The following ITGBL1 variants were observed in gnomAD, a reference collection of about 807,000 sequenced individuals.
The protein encoded by ITGBL1 is integrin beta-like protein 1.
ITGBL1 carries 51 observed loss-of-function variants against 68.5 expected under a neutral mutation model. The ratio of observed to expected loss-of-function variants is 0.74; its 90% CI spans 0.59 to 0.94. The LOEUF (loss-of-function observed/expected upper bound fraction) is 0.94, where lower values mean the gene tolerates loss of function less well. Among genes scored for constraint, ITGBL1 ranks in the 40% least tolerant of loss-of-function variants. The pLI, the probability that ITGBL1 is intolerant of heterozygous loss-of-function variation, is 0.00. For synonymous variants in ITGBL1, 209 were observed against 227.3 expected, an observed-to-expected ratio of 0.92 and a Z score of 0.72; for missense variants, 649 against 647.4, an observed-to-expected ratio of 1.00 and a Z score of -0.03.
intron 7 of ITGBL1, among the ~76,000 whole-genome samples, chr13:101,641,463 G>T (rs539530732): frequency 1.7e-4 from 25 of 151,154 alleles, no homozygotes; most frequent in Admixed American, 1.4e-3. Flanking sequence ...TGTCATTGTG[G>T]TTTTTATTCT....
chr13:101,645,831 T>A (rs1424148903), intron 7 of ITGBL1, among the ~76,000 whole-genome samples: 1 of 152,218 alleles, frequency 6.6e-6, no homozygotes, highest in Non-Finnish European at 1.5e-5. Context: ...TTCTCATTTC[T>A]CATATTTTGT....
chr13:101,490,918 C>G (rs1226379492), intron 2 of ITGBL1, among the ~76,000 whole-genome samples: 2 of 152,160 alleles, frequency 1.3e-5, no homozygotes, highest in African/African-American at 4.8e-5. Flanking sequence ...CAGATACTTA[C>G]TGACATTTAG....
intron 7 of ITGBL1, among the ~76,000 whole-genome samples, chr13:101,666,093 C>T (rs1289471021): frequency 1.3e-5 from 2 of 152,088 alleles, no homozygotes; most frequent in Non-Finnish European, 2.9e-5. Flanking sequence ...CTGTACTGCC[C>T]ACTGCCAGAT....
intron 2 of ITGBL1, among the ~76,000 whole-genome samples, chr13:101,479,711 C>T (rs2048589228): frequency 6.6e-6 from 1 of 151,902 alleles, no homozygotes; most frequent in Non-Finnish European, 1.5e-5. Context: ...AAAAGGTGCT[C>T]AACATGACAG....
intron 2 of ITGBL1, among the ~76,000 whole-genome samples, chr13:101,537,153 A>T (rs1001797521): frequency 3.3e-5 from 5 of 151,990 alleles, no homozygotes; most frequent in Admixed American, 3.3e-4. Flanking sequence ...GAGACATGTG[A>T]AATTCATCAT....
chr13:101,453,524 C>G (rs754471762), intron 1 of ITGBL1, among the ~76,000 whole-genome samples: 3 of 152,108 alleles, frequency 2.0e-5, no homozygotes, highest in Non-Finnish European at 4.4e-5. Flanking sequence ...AGCTGAGTGC[C>G]GTACCTTGGA....
chr13:101,575,591 T>C, intron 4 of ITGBL1, 45 bp downstream of exon 4: 1 of 1,573,490 alleles, frequency 6.4e-7, no homozygotes, highest in Non-Finnish European at 8.7e-7. Context: ...TACCTGTTTT[T>C]TTCACCTATT....
intron 7 of ITGBL1, among the ~76,000 whole-genome samples, chr13:101,676,405 G>A (rs1031977983): frequency 7.2e-5 from 11 of 152,094 alleles, no homozygotes; most frequent in Non-Finnish European, 1.2e-4. Context: ...AAAATCTGTG[G>A]TGTTTATGGA....
intron 7 of ITGBL1, among the ~76,000 whole-genome samples, chr13:101,687,821 C>T (rs1427623709): frequency 6.6e-6 from 1 of 152,076 alleles, no homozygotes; most frequent in African/African-American, 2.4e-5. Flanking sequence ...TATTTCTATG[C>T]TCCTTTCTGT....
rs1217002780 is a variant in ITGBL1 at position 101,463,939 on chromosome 13, C to T, written c.316+9839C>T. On this transcript the variant is annotated intron_variant, in intron 2 of 10. Coordinates refer to ENST00000376180, the MANE Select transcript of ITGBL1 (RefSeq NM_004791.3). Reference sequence around the variant, plus strand: ...TTTTTTTTTTTCCGAGACAGATTCTCGCTGTGTCACCCAGACTGGAGTGCA... The same window carrying T: ...TTTTTTTTTTTCCGAGACAGATTCTTGCTGTGTCACCCAGACTGGAGTGCA... Among the ~76,000 whole-genome samples the T allele has an allele frequency of 3.5e-5, 5 of 142,040 alleles. No individual in the cohort carries two copies. In the East Asian group the frequency reaches 6.2e-4, roughly 17 times the overall value. 93.2% of individuals were successfully genotyped at this position (142,040 alleles called of 152,430 possible).
chr13:101,580,088 T>TA (rs2139282277), intron 5 of ITGBL1, among the ~76,000 whole-genome samples: 1 of 152,242 alleles, frequency 6.6e-6, no homozygotes, highest in East Asian at 1.9e-4. Flanking sequence ...TCCTTGAAAA[T>TA]ACTTAATTTT....
Position 101,715,547 on chromosome 13 carries a change from A to G in ITGBL1, c.1394-16A>G. 1 of 1,557,456 alleles carries G rather than the reference A, an allele frequency of 6.4e-7. No individual in the cohort carries two copies. The highest frequency in any genetic ancestry group is 8.9e-7 in the Non-Finnish European group (1 of 1,128,402). On this transcript the variant is annotated splice_polypyrimidine_tract_variant and intron_variant, in intron 10 of 10. Coordinates refer to ENST00000376180, the MANE Select transcript of ITGBL1 (RefSeq NM_004791.3). ...TTTTGATCATAATCATGATACCTATATGTATTTTATTGCAGGGAATGGAAT... is the reference window on the plus strand; with the variant it reads ...TTTTGATCATAATCATGATACCTATGTGTATTTTATTGCAGGGAATGGAAT...
intron 2 of ITGBL1, among the ~76,000 whole-genome samples, chr13:101,519,964 G>A (rs1259535761): frequency 1.3e-5 from 2 of 152,172 alleles, no homozygotes; most frequent in African/African-American, 4.8e-5. Context: ...ATAAAGCCAT[G>A]TGTGTATATA....
rs74122635 is a variant in ITGBL1, at chr13:101,687,956, A to G, written c.1016-4629A>G. ...CACAGTGCTAGAAAGGCAGATTTCCATTTTCCTTCTTTCTCATGTATGAGA... is the reference window on the plus strand; with the variant it reads ...CACAGTGCTAGAAAGGCAGATTTCCGTTTTCCTTCTTTCTCATGTATGAGA... On this transcript the variant is annotated intron_variant, in intron 7 of 10. Coordinates refer to ENST00000376180, the MANE Select transcript of ITGBL1 (RefSeq NM_004791.3). Among the ~76,000 whole-genome samples the G allele has an allele frequency of 7.5e-3, 1,142 of 152,104 alleles. 16 individuals are homozygous for G. The highest frequency in any genetic ancestry group is 0.025 in the African/African-American group (1,056 of 41,506).
At chr13:101,520,821 G>A (rs111569652) in intron 2 of ITGBL1, among the ~76,000 whole-genome samples, 11,025 of 152,274 alleles carry the variant, frequency 0.072, 521 homozygotes, top group Non-Finnish European at 0.11. Flanking sequence ...GGGGCCTAAA[G>A]GAGGTGGAAA....
At chr13:101,599,722 G>T (rs990452028) in intron 7 of ITGBL1, among the ~76,000 whole-genome samples, 1 of 152,068 alleles carries the variant, frequency 6.6e-6, no homozygotes, top group African/African-American at 2.4e-5. Flanking sequence ...CTTTTTGTCA[G>T]GTTTGTCAAA....
intron 2 of ITGBL1, among the ~76,000 whole-genome samples, chr13:101,471,129 A>C (rs1414307): frequency 0.28 from 42,957 of 152,010 alleles, 7,159 homozygotes; most frequent in East Asian, 0.72. Flanking sequence ...TACCATAATT[A>C]AATGTCATTT....
chr13:101,607,757 C>T (rs2030939778), intron 7 of ITGBL1, among the ~76,000 whole-genome samples: 1 of 152,074 alleles, frequency 6.6e-6, no homozygotes, highest in Admixed American at 6.6e-5. Context: ...TATCAGTTAG[C>T]TCTTCTCAAT....
chr13:101,520,969 T>C lies in ITGBL1; in HGVS notation c.317-46730T>C, dbSNP rs545969946. Among the ~76,000 whole-genome samples, 4 of 152,282 alleles carry C rather than the reference T, an allele frequency of 2.6e-5. No individual in the cohort carries two copies. In the East Asian group the frequency reaches 7.7e-4, roughly 29 times the overall value. ...TTTAGAAGGCTTGAACATCGTCCTT[T>C]TGTAGCTGATTCCTGTCTTAGATCA... is the stretch of plus-strand genomic sequence containing the variant. On this transcript the variant is annotated intron_variant, in intron 2 of 10. Transcript: ENST00000376180.
Sources: allele counts gnomAD v4.1 joint callset (sites outside exome capture counted in the v4.1 genomes callset), GRCh38; gene constraint gnomAD v4.1.1; transcripts MANE v1.5; gene names NCBI Gene and HGNC (gene_info 2026-07-23, HGNC 2026-07-21).